Variants in STAT1 observed in about 807,000 individuals in gnomAD.
STAT1 encodes signal transducer and activator of transcription 1.
In STAT1, 24 loss-of-function variants were observed where a neutral mutation model predicts 111.7. That is an observed-to-expected ratio of 0.21 (90% CI 0.16 to 0.30). The LOEUF is 0.30. Ranked by LOEUF, STAT1 falls within the 10% of genes least tolerant of loss-of-function variation. The probability of loss-of-function intolerance (pLI) is 1.00; values close to 1 mark genes in which losing one functional copy is unlikely to be tolerated. For synonymous variants in STAT1, 332 were observed against 326.5 expected (o/e 1.02, Z -0.18); for missense variants, 351 against 911.9 (o/e 0.38, Z 7.92).
At chr2:191,009,530 C>T (rs1559025770) in intron 3 of STAT1, among the ~76,000 whole-genome samples, 1 of 152,162 alleles carries the variant, frequency 6.6e-6, no homozygotes, top group African/African-American at 2.4e-5. Context: ...ATTAATTTGG[C>T]TTTATTTCTT....
In STAT1 at chr2:190,987,486, G is replaced by A. The variant is rs891298551; in HGVS notation, c.1098-418C>T. Among the ~76,000 whole-genome samples, 1 of 152,190 alleles carries A rather than the reference G, an allele frequency of 6.6e-6. No individual in the cohort carries two copies. Among genetic ancestry groups the A allele is most frequent in the African/African-American group, 2.4e-5 (1 of 41,444 alleles). On this transcript the variant is annotated intron_variant, in intron 12 of 24. Coordinates refer to ENST00000361099, the MANE Select transcript of STAT1 (RefSeq NM_007315.4). The surrounding 1 kb of genome is among the most constrained non-coding windows in gnomAD (Gnocchi z 4.0). ...GGTGCAAGGCCCTGCACTAAGCACTGGGGATCCAGCCAACAGCACTGCCCA... is the reference window on the plus strand; with the variant it reads ...GGTGCAAGGCCCTGCACTAAGCACTAGGGATCCAGCCAACAGCACTGCCCA...
chr2:190,975,766 G>A lies in STAT1; in HGVS notation c.2135+46C>T, dbSNP rs11549698. On this transcript the variant is annotated intron_variant, in intron 23 of 24. Transcript: ENST00000361099. This position sits in a 1 kb window ranked among gnomAD's most constrained non-coding sequence, Gnocchi z 5.9. ...TCAACAGGCCCCAGCCAGGAGCAAG[G>A]CTGGCTTGAGGTTTGTAAACATGTC... 2 of 1,613,032 alleles carry A rather than the reference G, an allele frequency of 1.2e-6. No homozygotes were observed. Among genetic ancestry groups the A allele is most frequent in the African/African-American group, 1.3e-5 (1 of 74,994 alleles).
At chr2:191,002,135 T>TC (rs1694319379) in intron 5 of STAT1, among the ~76,000 whole-genome samples, 3 of 152,226 alleles carry the variant, frequency 2.0e-5, no homozygotes, top group Admixed American at 2.0e-4. Flanking sequence ...TTGCAAGGTT[T>TC]CCTTTTTTTC....
At chr2:190,985,767 ACTTTAT>A (rs1273055885) in intron 14 of STAT1, 107 bp from the exon 15 acceptor site, 2 of 1,217,272 alleles carry the variant, frequency 1.6e-6, no homozygotes, top group African/African-American at 1.5e-5. Flanking sequence ...GACAGACGTG[ACTTTAT>A]CTTTAGAATG....
At position 190,982,173 on chromosome 2, in the gene STAT1, G is replaced by GA. The variant is rs45574642; in HGVS notation, c.1582+209dup. 0.011 allele frequency among the ~76,000 whole-genome samples: 1,617 copies of GA among 152,292 alleles called. 31 individuals carry two copies. The highest frequency in any genetic ancestry group is 0.059 in the East Asian group (306 of 5,190). ...AGAAATCTTAATATGAGACAATGAG[G>GA]AACGGATTCATTTAAATGTTATCAG... On this transcript the variant is annotated intron_variant, in intron 18 of 24. Transcript: ENST00000361099. The surrounding 1 kb of genome is among the most constrained non-coding windows in gnomAD (Gnocchi z 7.3).
At position 190,984,577 on chromosome 2, in the gene STAT1, G is replaced by A. The variant is rs1045526693; in HGVS notation, c.1264-184C>T. 6.6e-6 allele frequency among the ~76,000 whole-genome samples: 1 copy of A among 152,208 alleles called. No individual in the cohort carries two copies. Among genetic ancestry groups the A allele is most frequent in the African/African-American group, 2.4e-5 (1 of 41,438 alleles). ...CTTAGTATCTCAGTGTGCTCTGAAA[G>A]ATAAGTGTCTGAAGTTACGGCAAGG... On this transcript the variant is annotated intron_variant, in intron 15 of 24. Coordinates refer to ENST00000361099, the MANE Select transcript of STAT1 (RefSeq NM_007315.4). The surrounding 1 kb of genome is among the most constrained non-coding windows in gnomAD (Gnocchi z 5.2).
chr2:190,987,106 A>G lies in STAT1; in HGVS notation c.1098-38T>C, dbSNP rs755707959. On this transcript the variant is annotated intron_variant, in intron 12 of 24. Coordinates refer to ENST00000361099, the MANE Select transcript of STAT1 (RefSeq NM_007315.4). The surrounding 1 kb of genome is among the most constrained non-coding windows in gnomAD (Gnocchi z 4.0). ...TATATATAATCACATATGCGTATTT[A>G]AAATTTGAAATAAGCTTTAACAAAA... The G allele has an allele frequency of 2.0e-6, 3 of 1,488,808 alleles. No individual in the cohort carries two copies. In the Admixed American group the frequency reaches 5.0e-5, roughly 25 times the overall value. 92.2% of individuals were successfully genotyped at this position (1,488,808 alleles called of 1,614,324 possible). A position where few individuals can be genotyped will look rare whatever the true frequency, so the allele number is the denominator to read the frequency against.
In STAT1 at chr2:190,987,935, A is replaced by T. The variant is rs1398525707; in HGVS notation, c.1098-867T>A. On this transcript the variant is annotated intron_variant, in intron 12 of 24. Transcript: ENST00000361099. The surrounding 1 kb of genome is among the most constrained non-coding windows in gnomAD (Gnocchi z 4.0). Reference sequence around the variant, plus strand: ...AAGCTGACTTGTCAAAGCTAAGAAGACCGTCAGAGCTGGAACCGACAGAAA... The same window carrying T: ...AAGCTGACTTGTCAAAGCTAAGAAGTCCGTCAGAGCTGGAACCGACAGAAA... Among the ~76,000 whole-genome samples, 1 of 152,232 alleles carries T rather than the reference A, an allele frequency of 6.6e-6. No homozygotes were observed. The highest frequency in any genetic ancestry group is 1.5e-5 in the Non-Finnish European group (1 of 68,034).
rs112292924 is a variant in STAT1 at position 191,012,416 on chromosome 2, TA to T, written c.-2+1108del. On this transcript the variant is annotated intron_variant, in intron 2 of 24. Coordinates refer to ENST00000361099, the MANE Select transcript of STAT1 (RefSeq NM_007315.4). The surrounding 1 kb of genome is among the most constrained non-coding windows in gnomAD (Gnocchi z 4.0). ...GGGAGACAGAGAGAGACTCTGTCTC[TA>T]AAAAAAAAAAACAATGAATAAATAA... Among the ~76,000 whole-genome samples the T allele has an allele frequency of 4.7e-4, 67 of 143,948 alleles. No homozygotes were observed. Among genetic ancestry groups the T allele is most frequent in the Middle Eastern group, 3.6e-3 (1 of 276 alleles). 94.4% of individuals were successfully genotyped at this position (143,948 alleles called of 152,430 possible). A position where few individuals can be genotyped will look rare whatever the true frequency, so the allele number is the denominator to read the frequency against.
At position 190,984,974 on chromosome 2, in the gene STAT1, A is replaced by G. The variant is rs2125027237; in HGVS notation, c.1264-581T>C. On this transcript the variant is annotated intron_variant, in intron 15 of 24. Coordinates refer to ENST00000361099, the MANE Select transcript of STAT1 (RefSeq NM_007315.4). This position sits in a 1 kb window ranked among gnomAD's most constrained non-coding sequence, Gnocchi z 5.2. ...CAGGCGCACACCAGGGCTAGAAGGCATCTTTGCACTGCCTGGGCCTGTGTT... is the reference window on the plus strand; with the variant it reads ...CAGGCGCACACCAGGGCTAGAAGGCGTCTTTGCACTGCCTGGGCCTGTGTT... Among the ~76,000 whole-genome samples, 1 of 152,368 alleles carries G rather than the reference A, an allele frequency of 6.6e-6. No homozygotes were observed. Among genetic ancestry groups the G allele is most frequent in the East Asian group, 1.9e-4 (1 of 5,186 alleles).
At chr2:191,002,444 C>G (rs564561860) in intron 5 of STAT1, among the ~76,000 whole-genome samples, 2 of 152,270 alleles carry the variant, frequency 1.3e-5, no homozygotes, top group South Asian at 4.1e-4. Flanking sequence ...CTAGTAGGGC[C>G]AGTCCCATTT....
At position 190,987,631 on chromosome 2, in the gene STAT1, GTTTAAGT is replaced by G. The variant is rs1237269296; in HGVS notation, c.1098-570_1098-564del. Among the ~76,000 whole-genome samples the G allele has an allele frequency of 6.6e-6, 1 of 152,178 alleles. No homozygotes were observed. Among genetic ancestry groups the G allele is most frequent in the African/African-American group, 2.4e-5 (1 of 41,432 alleles). On this transcript the variant is annotated intron_variant, in intron 12 of 24. Coordinates refer to ENST00000361099, the MANE Select transcript of STAT1 (RefSeq NM_007315.4). The surrounding 1 kb of genome is among the most constrained non-coding windows in gnomAD (Gnocchi z 4.0). ...GTCAGTTATCTGGGGAAAGTGGCAA[GTTTAAGT>G]TTTAAGTCTGAGGTTAAAATTTTGA... is the stretch of plus-strand genomic sequence containing the variant.
In STAT1 at chr2:191,013,540, C is replaced by T. The variant is rs1408491477; in HGVS notation, c.-17G>A. ...ATTTACTGACCTGCCACCTTGTGCCCCAACAAGGGCCTGGGGATTCAACCA... is the reference window on the plus strand; with the variant it reads ...ATTTACTGACCTGCCACCTTGTGCCTCAACAAGGGCCTGGGGATTCAACCA... On this transcript the variant is annotated 5_prime_UTR_variant, in exon 2 of 25. Transcript: ENST00000361099. 2 of 398,326 alleles carry T rather than the reference C, an allele frequency of 5.0e-6. No individual in the cohort carries two copies. Among genetic ancestry groups the T allele is most frequent in the African/African-American group, 4.1e-5 (2 of 48,700 alleles). 24.7% of individuals were successfully genotyped at this position (398,326 alleles called of 1,614,324 possible).
At position 191,007,173 on chromosome 2, in the gene STAT1, G is replaced by A. The variant is rs1241997737; in HGVS notation, c.372+390C>T. 6.6e-6 allele frequency among the ~76,000 whole-genome samples: 1 copy of A among 152,058 alleles called. No homozygotes were observed. On this transcript the variant is annotated intron_variant, in intron 5 of 24. Coordinates refer to ENST00000361099, the MANE Select transcript of STAT1 (RefSeq NM_007315.4). This position sits in a 1 kb window ranked among gnomAD's most constrained non-coding sequence, Gnocchi z 4.2. ...ATTCTACTGAGCGCAAGCTTCCACT[G>A]CCTCTACCTTGGACAGCTGCAAGAA...
rs1338277976 is a variant in STAT1 at position 191,003,844 on chromosome 2, TG to T, written c.373-2682del. 6.6e-6 allele frequency among the ~76,000 whole-genome samples: 1 copy of T among 152,202 alleles called. No homozygotes were observed. Among genetic ancestry groups the T allele is most frequent in the Non-Finnish European group, 1.5e-5 (1 of 68,030 alleles). On this transcript the variant is annotated intron_variant, in intron 5 of 24. Coordinates refer to ENST00000361099, the MANE Select transcript of STAT1 (RefSeq NM_007315.4). This position sits in a 1 kb window ranked among gnomAD's most constrained non-coding sequence, Gnocchi z 4.0. ...GGTGTCCTGTGGGCTTTGTAACAGC[TG>T]GGACACTACACCTAGAGAGAGGGAC...
chr2:190,972,411 G>C (rs529666115), intron 24 of STAT1, among the ~76,000 whole-genome samples: 1 of 152,330 alleles, frequency 6.6e-6, no homozygotes, highest in African/African-American at 2.4e-5. Flanking sequence ...ATACTGCAGA[G>C]AACACTGGTG....
intron 24 of STAT1, among the ~76,000 whole-genome samples, chr2:190,972,816 G>GGGGT (rs764237718): frequency 3.7e-5 from 5 of 136,420 alleles, no homozygotes; most frequent in Admixed American, 2.9e-4. Context: ...GTGTATAGAG[G>GGGGT]GTGTGTGTGT....
Position 190,979,373 on chromosome 2 carries a change from T to C in STAT1, c.1728-372A>G, listed in dbSNP as rs895576926. The stretch of plus-strand genomic sequence containing the variant: ...GCAATATATTTTCATATTTTAGCCC[T>C]TCTGATCAAGTTAAAGCTTCTGTTG... On this transcript the variant is annotated intron_variant, in intron 20 of 24. Coordinates refer to ENST00000361099, the MANE Select transcript of STAT1 (RefSeq NM_007315.4). This position sits in a 1 kb window ranked among gnomAD's most constrained non-coding sequence, Gnocchi z 5.8. Among the ~76,000 whole-genome samples the C allele has an allele frequency of 2.0e-5, 3 of 152,228 alleles. No individual in the cohort carries two copies. Among genetic ancestry groups the C allele is most frequent in the Admixed American group, 6.5e-5 (1 of 15,282 alleles).
At position 190,990,894 on chromosome 2, in the gene STAT1, T is replaced by C. The variant is rs1190311841; in HGVS notation, c.1037+334A>G. ...TCTGGGGTTCATAAGGCTCAGGTTA[T>C]GAGCCTATGCCCAAGAGGGGTGAGG... is the stretch of plus-strand genomic sequence containing the variant. On this transcript the variant is annotated intron_variant, in intron 11 of 24. Coordinates refer to ENST00000361099, the MANE Select transcript of STAT1 (RefSeq NM_007315.4). The surrounding 1 kb of genome is among the most constrained non-coding windows in gnomAD (Gnocchi z 5.1). Among the ~76,000 whole-genome samples, 1 of 152,216 alleles carries C rather than the reference T, an allele frequency of 6.6e-6. No individual in the cohort carries two copies. Among genetic ancestry groups the C allele is most frequent in the Non-Finnish European group, 1.5e-5 (1 of 68,032 alleles).
Sources: gnomAD v4.1 joint callset for allele counts (sites outside exome capture counted in the v4.1 genomes callset) on GRCh38, gnomAD v4.1.1 for gene constraint, Gnocchi (gnomAD v3.1) non-coding constraint, MANE v1.5 for transcripts, NCBI Gene and HGNC (gene_info 2026-07-23, HGNC 2026-07-21) for gene names.